Variants in KDM6A observed in about 807,000 individuals in gnomAD.
KDM6A encodes lysine-specific demethylase 6A.
A neutral mutation model predicts 117.6 loss-of-function variants in KDM6A; 11 were observed. That is an observed-to-expected ratio of 0.09 (90% CI 0.06 to 0.15). KDM6A has a LOEUF of 0.15. Among genes scored for constraint, KDM6A ranks in the 10% least tolerant of loss-of-function variants. The pLI, the probability that KDM6A is intolerant of heterozygous loss-of-function variation, is 1.00. For synonymous variants in KDM6A, 384 were observed against 396.1 expected (o/e 0.97, Z 0.36); for missense variants, 799 against 1,077.3 (o/e 0.74, Z 3.62).
intron 4 of KDM6A, among the ~76,000 whole-genome samples, chrX:44,999,925 T>C (rs2041055631): frequency 8.9e-6 from 1 of 111,914 alleles, no homozygotes; most frequent in African/African-American, 3.3e-5. Context: ...TTCCATTTAC[T>C]GAACTACTTT....
intron 4 of KDM6A, among the ~76,000 whole-genome samples, chrX:45,002,860 C>CT (rs2041213440): frequency 4.5e-5 from 2 of 44,633 alleles, no homozygotes; most frequent in African/African-American, 2.5e-4. Flanking sequence ...TTCCCCTCCC[C>CT]GCCCCCCCCC....
intron 4 of KDM6A, among the ~76,000 whole-genome samples, chrX:45,010,569 A>T (rs2041711656): frequency 1.8e-5 from 2 of 111,667 alleles, no homozygotes; most frequent in African/African-American, 6.5e-5. Context: ...TTTCCTTTGA[A>T]TTCTAACTAC....
At chrX:45,061,528 G>A in intron 15 of KDM6A, 109 bp downstream of exon 15, 2 of 366,014 alleles carry the variant, frequency 5.5e-6, no homozygotes, top group Non-Finnish European at 9.0e-6. Flanking sequence ...GTCTTGCTCT[G>A]TCACCCAGGC....
At chrX:44,917,214 A>G (rs1327035369) in intron 2 of KDM6A, among the ~76,000 whole-genome samples, 2 of 110,030 alleles carry the variant, frequency 1.8e-5, no homozygotes, top group Non-Finnish European at 3.8e-5. Flanking sequence ...TTTAGTAGAG[A>G]TAGGGTTTCA....
At chrX:44,959,189 T>A (rs781076470) in intron 2 of KDM6A, among the ~76,000 whole-genome samples, 2 of 110,641 alleles carry the variant, frequency 1.8e-5, no homozygotes, top group Non-Finnish European at 3.8e-5. Context: ...GTTTGGTAGG[T>A]GCATGGCAGC....
At chrX:44,953,344 CA>C (rs1377820881) in intron 2 of KDM6A, among the ~76,000 whole-genome samples, 6 of 111,297 alleles carry the variant, frequency 5.4e-5, no homozygotes, top group African/African-American at 2.0e-4. Context: ...TTCCATTGGG[CA>C]GAATTTAATC....
chrX:44,941,147 A>T (rs2037293203), intron 2 of KDM6A, among the ~76,000 whole-genome samples: 1 of 111,849 alleles, frequency 8.9e-6, no homozygotes, highest in African/African-American at 3.3e-5. Flanking sequence ...TTCTTTTAAT[A>T]AAAAAAACAA....
intron 14 of KDM6A, 85 bp downstream of exon 14, chrX:45,060,849 C>A: frequency 1.6e-6 from 1 of 609,689 alleles, no homozygotes; most frequent in Non-Finnish European, 2.3e-6. Context: ...CATTTCCTGT[C>A]CTTTATTTTA....
At chrX:44,875,537 A>G (rs761453588) in intron 2 of KDM6A, among the ~76,000 whole-genome samples, 3 of 110,391 alleles carry the variant, frequency 2.7e-5, no homozygotes, top group Non-Finnish European at 5.7e-5. Flanking sequence ...TTTAAGCGTC[A>G]GTAATTGTTG....
Position 45,112,430 on chromosome X carries a change from C to CG in KDM6A, c.*1019_*1020insG, listed in dbSNP as rs1603075428. ...CTTAAATTTTTCTCGTTTTAAGTTT[C>CG]ACATCTATGGTAGATTTTTGAGGTG... On this transcript the variant is annotated 3_prime_UTR_variant, in exon 30 of 30. Coordinates refer to ENST00000611820, the MANE Select transcript of KDM6A (RefSeq NM_001291415.2). 3 of 135,356 alleles carry CG rather than the reference C, an allele frequency of 2.2e-5. No individual in the cohort carries two copies. The highest frequency in any genetic ancestry group is 3.5e-4 in the South Asian group (1 of 2,840). 11.2% of individuals were successfully genotyped at this position (135,356 alleles called of 1,213,427 possible). A position where few individuals can be genotyped will look rare whatever the true frequency, so the allele number is the denominator to read the frequency against.
intron 2 of KDM6A, among the ~76,000 whole-genome samples, chrX:44,876,106 TTAAAC>T (rs1464506278): frequency 8.9e-6 from 1 of 111,887 alleles, no homozygotes; most frequent in Admixed American, 9.5e-5. Context: ...AAGCAGTTTG[TTAAAC>T]TAAAGAAAAA....
chrX:45,059,595 C>T (rs1396890614), intron 12 of KDM6A, 129 bp downstream of exon 12: 1 of 503,123 alleles, frequency 2.0e-6, no homozygotes, highest in African/African-American at 2.4e-5. Flanking sequence ...ATTTTGTAAA[C>T]ATACCATAGC....
At chrX:45,078,796 GA>G (rs1432936034) in intron 20 of KDM6A, among the ~76,000 whole-genome samples, 1 of 110,404 alleles carries the variant, frequency 9.1e-6, no homozygotes, top group African/African-American at 3.3e-5. Context: ...TAGGTTAATA[GA>G]AAAAATTTGA....
At chrX:44,941,151 A>G (rs1162953560) in intron 2 of KDM6A, among the ~76,000 whole-genome samples, 1 of 112,228 alleles carries the variant, frequency 8.9e-6, no homozygotes, top group African/African-American at 3.3e-5. Context: ...TTTAATAAAA[A>G]AAACAAGGTG....
chrX:45,051,168 C>T (rs1344473028), intron 8 of KDM6A, among the ~76,000 whole-genome samples: 1 of 111,042 alleles, frequency 9.0e-6, no homozygotes, highest in Non-Finnish European at 1.9e-5. Flanking sequence ...CGCCACCATG[C>T]CTGGCTAATT....
chrX:45,027,503 G>T (rs760030084), intron 6 of KDM6A, among the ~76,000 whole-genome samples: 101 of 111,623 alleles, frequency 9.0e-4, no homozygotes, highest in African/African-American at 3.1e-3. Flanking sequence ...TGATTTGAGA[G>T]AAAGAATGGA....
chrX:44,994,584 TATAA>T (rs922433173), intron 4 of KDM6A, among the ~76,000 whole-genome samples: 7 of 112,431 alleles, frequency 6.2e-5, no homozygotes, highest in African/African-American at 2.3e-4. Context: ...GTATAGATGT[TATAA>T]ATAAAGTTTT....
At chrX:44,877,510 T>G (rs1302802637) in intron 2 of KDM6A, among the ~76,000 whole-genome samples, 1 of 108,786 alleles carries the variant, frequency 9.2e-6, no homozygotes, top group Non-Finnish European at 1.9e-5. Flanking sequence ...GTGACTTTTT[T>G]AGTACATTTT....
At chrX:45,051,887 A>T in intron 9 of KDM6A, 85 bp downstream of exon 9, 1 of 541,681 alleles carries the variant, frequency 1.8e-6, no homozygotes, top group South Asian at 2.8e-5. Flanking sequence ...TGTGGCTCAT[A>T]TATTCTATTC....
Sources: gnomAD v4.1 joint callset for allele counts (sites outside exome capture counted in the v4.1 genomes callset) on GRCh38, gnomAD v4.1.1 for gene constraint, MANE v1.5 for transcripts, NCBI Gene and HGNC (gene_info 2026-07-23, HGNC 2026-07-21) for gene names.